RORA: variants seen among roughly 807,000 people sequenced by gnomAD.
RORA encodes RAR related orphan receptor A.
A neutral mutation model predicts 69.5 loss-of-function variants in RORA; 7 were observed. The observed-to-expected ratio is 0.10, with a 90% confidence interval of 0.06 to 0.19. The LOEUF (loss-of-function observed/expected upper bound fraction) is 0.19, where lower values mean the gene tolerates loss of function less well. Ranked by LOEUF, RORA falls within the 10% of genes least tolerant of loss-of-function variation. The pLI, the probability that RORA is intolerant of heterozygous loss-of-function variation, is 1.00. For missense variants in RORA, 457 were observed against 663.0 expected, an observed-to-expected ratio of 0.69 and a Z score of 3.41; for synonymous variants, 261 against 240.8, an observed-to-expected ratio of 1.08 and a Z score of -0.78.
intron 1 of RORA, among the ~76,000 whole-genome samples, chr15:60,746,888 C>T (rs755687739): frequency 2.6e-5 from 4 of 152,208 alleles, no homozygotes; most frequent in African/African-American, 4.8e-5. Flanking sequence ...GAACTAGGGA[C>T]TTCATTTCCA....
rs566786358 is a variant in RORA, at chr15:60,775,504, G to A, written c.167-96818C>T. Reference sequence around the variant, plus strand: ...AATATCTTGCTAGGCACTCCGCCAGGAGTACTGAAATTTAGTTCTGATAAA... The same window carrying A: ...AATATCTTGCTAGGCACTCCGCCAGAAGTACTGAAATTTAGTTCTGATAAA... On this transcript the variant is annotated intron_variant, in intron 1 of 10. Transcript: ENST00000335670. Among the ~76,000 whole-genome samples, 5 of 152,272 alleles carry A rather than the reference G, an allele frequency of 3.3e-5. 1 individual carries two copies. The South Asian group carries it at 1.0e-3, about 32-fold the overall frequency.
chr15:60,648,837 C>T (rs1414255636), intron 2 of RORA, among the ~76,000 whole-genome samples: 1 of 152,160 alleles, frequency 6.6e-6, no homozygotes, highest in East Asian at 1.9e-4. Flanking sequence ...TTCAGTAATT[C>T]CCAGTGTGTC....
intron 1 of RORA, among the ~76,000 whole-genome samples, chr15:61,013,198 T>C (rs981844254): frequency 1.3e-5 from 2 of 152,252 alleles, no homozygotes; most frequent in Non-Finnish European, 2.9e-5. Context: ...ATGGAAACGA[T>C]AATATGTATT....
intron 1 of RORA, among the ~76,000 whole-genome samples, chr15:60,993,532 A>G (rs915188068): frequency 2.7e-5 from 4 of 150,226 alleles, no homozygotes. Context: ...AATCCTGGCT[A>G]CTCTGGAGGC....
intron 1 of RORA, among the ~76,000 whole-genome samples, chr15:60,814,275 G>C (rs1036860068): frequency 6.6e-6 from 1 of 152,214 alleles, no homozygotes; most frequent in Non-Finnish European, 1.5e-5. Flanking sequence ...ATTAGCCAGC[G>C]TTCTTCAAGG....
At chr15:61,037,552 T>C (rs754230061) in intron 1 of RORA, among the ~76,000 whole-genome samples, 4 of 152,192 alleles carry the variant, frequency 2.6e-5, no homozygotes, top group Non-Finnish European at 4.4e-5. Flanking sequence ...CGCACTCTGC[T>C]GCCTCACTTC....
intron 1 of RORA, among the ~76,000 whole-genome samples, chr15:60,869,793 A>G (rs375542728): frequency 7.9e-5 from 12 of 152,182 alleles, no homozygotes; most frequent in African/African-American, 2.9e-4. Context: ...TGCTAGCCCT[A>G]AGGGGAACCC....
rs530307261 is a variant in RORA, at chr15:60,513,564, C to CTT, written c.424+1050_424+1051dup. On this transcript the variant is annotated intron_variant, in intron 4 of 10. Transcript: ENST00000335670. The stretch of plus-strand genomic sequence containing the variant: ...TTACAAATTGATGAGATATACCTAA[C>CTT]TTTGTCAGTTTAGTACCATCGGAAG... Among the ~76,000 whole-genome samples the CTT allele has an allele frequency of 1.2e-4, 19 of 152,336 alleles. No individual in the cohort carries two copies. In the South Asian group the frequency reaches 3.7e-3, roughly 30 times the overall value.
chr15:60,751,864 T>C (rs559503447), intron 1 of RORA, among the ~76,000 whole-genome samples: 10 of 152,158 alleles, frequency 6.6e-5, no homozygotes, highest in Non-Finnish European at 1.5e-4. Context: ...TAGACCACTC[T>C]GTAAAACACT....
chr15:60,873,484 A>G (rs934061383), intron 1 of RORA, among the ~76,000 whole-genome samples: 15 of 152,208 alleles, frequency 9.9e-5, no homozygotes, highest in Non-Finnish European at 7.3e-5. Flanking sequence ...ATAATTTCCA[A>G]ATACATTCAT....
chr15:60,512,484 G>A (rs375027508), intron 4 of RORA, among the ~76,000 whole-genome samples: 6 of 152,098 alleles, frequency 3.9e-5, no homozygotes, highest in East Asian at 1.9e-4. Context: ...ATGGAGTTTC[G>A]CTATGTTGCC....
intron 3 of RORA, among the ~76,000 whole-genome samples, chr15:60,516,161 T>TTA (rs1242984311): frequency 6.6e-5 from 2 of 30,330 alleles, no homozygotes. Context: ...ATATATATAT[T>TTA]TATATATATA....
chr15:60,877,037 G>C (rs957187217), intron 1 of RORA, among the ~76,000 whole-genome samples: 1 of 152,148 alleles, frequency 6.6e-6, no homozygotes, highest in Non-Finnish European at 1.5e-5. Context: ...GAAATAATCT[G>C]TACATCAAAC....
rs949284960 is a variant in RORA at position 61,075,103 on chromosome 15, G to A, written c.166+153950C>T. ...CTCTATCTCAAAAAAAAAAAAAAAAGTTTCCAGAGAGTAACAGCGGCACGT... is the reference window on the plus strand; with the variant it reads ...CTCTATCTCAAAAAAAAAAAAAAAAATTTCCAGAGAGTAACAGCGGCACGT... On this transcript the variant is annotated intron_variant, in intron 1 of 10. Coordinates refer to ENST00000335670, the MANE Select transcript of RORA (RefSeq NM_134261.3). Among the ~76,000 whole-genome samples, 3 of 149,552 alleles carry A rather than the reference G, an allele frequency of 2.0e-5. No homozygotes were observed. The East Asian group carries it at 6.1e-4, about 30-fold the overall frequency.
chr15:61,192,467 T>C (rs1249809886), intron 1 of RORA, among the ~76,000 whole-genome samples: 2 of 152,140 alleles, frequency 1.3e-5, no homozygotes, highest in Non-Finnish European at 2.9e-5. Flanking sequence ...AACAATGACA[T>C]ACCTGCTACA....
chr15:60,640,194 C>T (rs903530404), intron 2 of RORA, among the ~76,000 whole-genome samples: 1 of 152,184 alleles, frequency 6.6e-6, no homozygotes. Flanking sequence ...CTACTAAGTG[C>T]TCAGCATTTG....
At chr15:61,100,112 CTTTTTTTTTT>C (rs911036920) in intron 1 of RORA, among the ~76,000 whole-genome samples, 2 of 119,056 alleles carry the variant, frequency 1.7e-5, no homozygotes, top group African/African-American at 6.3e-5. Context: ...GGTCAATTTT[CTTTTTTTTTT>C]TTTTTTTTTT....
chr15:60,856,299 T>C (rs2140419673), intron 1 of RORA, among the ~76,000 whole-genome samples: 1 of 152,338 alleles, frequency 6.6e-6, no homozygotes, highest in Non-Finnish European at 1.5e-5. Context: ...TCAGATGCCT[T>C]CCACAACTCA....
At chr15:60,822,835 C>T (rs2072909725) in intron 1 of RORA, among the ~76,000 whole-genome samples, 1 of 152,216 alleles carries the variant, frequency 6.6e-6, no homozygotes, top group Admixed American at 6.5e-5. Context: ...CCCCTGGCTC[C>T]AGGTGATTCT....
Sources: allele counts gnomAD v4.1 joint callset (sites outside exome capture counted in the v4.1 genomes callset), GRCh38; gene constraint gnomAD v4.1.1; transcripts MANE v1.5; gene names NCBI Gene and HGNC (gene_info 2026-07-23, HGNC 2026-07-21).